Variants in EPHA3 observed in about 807,000 individuals in gnomAD.
EPHA3 encodes the protein EPH receptor A3, also known as ephrin type-A receptor 3.
Under a neutral mutation model 107.1 loss-of-function variants are expected in EPHA3, and 42 were observed. The ratio of observed to expected loss-of-function variants is 0.39; its 90% CI spans 0.31 to 0.51. The LOEUF (loss-of-function observed/expected upper bound fraction) is 0.51, where lower values mean the gene tolerates loss of function less well. Among genes scored for constraint, EPHA3 ranks in the 20% least tolerant of loss-of-function variants. The pLI is 0.78. For missense variants in EPHA3, 1,183 were observed against 1,211.2 expected (o/e 0.98, Z 0.35); for synonymous variants, 461 against 424.8 (o/e 1.09, Z -1.05).
chr3:89,345,513 A>ACC (rs908848599), intron 5 of EPHA3, among the ~76,000 whole-genome samples: 1 of 149,324 alleles, frequency 6.7e-6, no homozygotes, highest in African/African-American at 2.5e-5. Flanking sequence ...TATCCGTCCC[A>ACC]CCCCCATCTC....
chr3:89,250,558 C>G (rs1705138668), intron 3 of EPHA3, among the ~76,000 whole-genome samples: 1 of 152,036 alleles, frequency 6.6e-6, no homozygotes, highest in South Asian at 2.1e-4. Context: ...CTTGGTTATC[C>G]AGAATCCAAT....
intron 1 of EPHA3, among the ~76,000 whole-genome samples, chr3:89,122,026 G>A (rs1315192045): frequency 6.6e-6 from 1 of 152,186 alleles, no homozygotes; most frequent in Non-Finnish European, 1.5e-5. Flanking sequence ...GAACTACACA[G>A]AGAATGATAA....
At chr3:89,114,265 A>G (rs1707196568) in intron 1 of EPHA3, among the ~76,000 whole-genome samples, 3 of 152,166 alleles carry the variant, frequency 2.0e-5, no homozygotes. Context: ...AAATTTTAGC[A>G]CAAAGCAGAG....
intron 9 of EPHA3, among the ~76,000 whole-genome samples, chr3:89,411,462 C>G (rs1709153167): frequency 6.6e-6 from 1 of 151,870 alleles, no homozygotes; most frequent in African/African-American, 2.4e-5. Flanking sequence ...TATTTGCCCT[C>G]TCACCACCAT....
At chr3:89,427,201 T>C (rs907757754) in intron 11 of EPHA3, among the ~76,000 whole-genome samples, 1 of 151,836 alleles carries the variant, frequency 6.6e-6, no homozygotes, top group Admixed American at 6.6e-5. Context: ...ATAAAAGTTA[T>C]CTCAAAAACT....
intron 5 of EPHA3, among the ~76,000 whole-genome samples, chr3:89,346,655 G>A (rs1234190571): frequency 6.6e-6 from 1 of 150,998 alleles, no homozygotes. Flanking sequence ...GGCTTTTGTT[G>A]CCATTGCTTT....
intron 5 of EPHA3, among the ~76,000 whole-genome samples, chr3:89,342,851 TTACACA>T (rs1466373607): frequency 2.1e-4 from 29 of 136,942 alleles, no homozygotes; most frequent in African/African-American, 8.9e-4. Flanking sequence ...TGTCTTATTT[TTACACA>T]TACACACACA....
At chr3:89,174,497 C>T (rs187877657) in intron 2 of EPHA3, among the ~76,000 whole-genome samples, 1 of 151,904 alleles carries the variant, frequency 6.6e-6, no homozygotes, top group African/African-American at 2.4e-5. Context: ...GCAGCATGTG[C>T]ATTTACATAA....
At chr3:89,162,129 T>A (rs542687298) in intron 2 of EPHA3, among the ~76,000 whole-genome samples, 279 of 152,140 alleles carry the variant, frequency 1.8e-3, no homozygotes, top group Non-Finnish European at 3.3e-3. Flanking sequence ...GAACACATAA[T>A]TATCCTCAGA....
chr3:89,412,700 T>C (rs1469489096), intron 9 of EPHA3, among the ~76,000 whole-genome samples: 2 of 151,810 alleles, frequency 1.3e-5, no homozygotes, highest in Admixed American at 6.6e-5. Context: ...TCTCACCTTA[T>C]AATTGTATTG....
chr3:89,241,598 A>G (rs1344536642), intron 3 of EPHA3, among the ~76,000 whole-genome samples: 1 of 152,158 alleles, frequency 6.6e-6, no homozygotes, highest in African/African-American at 2.4e-5. Context: ...TTTGTATAGT[A>G]GTGTATTTAA....
At chr3:89,248,793 G>T (rs955723356) in intron 3 of EPHA3, among the ~76,000 whole-genome samples, 8 of 152,184 alleles carry the variant, frequency 5.3e-5, no homozygotes, top group African/African-American at 1.9e-4. Context: ...TGAATGTGCA[G>T]ATTTGGAAAA....
At chr3:89,233,677 G>T (rs539741263) in intron 3 of EPHA3, among the ~76,000 whole-genome samples, 3 of 152,096 alleles carry the variant, frequency 2.0e-5, no homozygotes, top group African/African-American at 4.8e-5. Flanking sequence ...CTAACCAAAG[G>T]CTGGAGTATA....
chr3:89,429,055 T>C (rs776988393), intron 11 of EPHA3, 51 bp from the exon 12 acceptor site: 1 of 1,277,804 alleles, frequency 7.8e-7, no homozygotes, highest in Admixed American at 1.7e-5. Flanking sequence ...ATGTTCATTG[T>C]ATAATACTTG....
intron 5 of EPHA3, among the ~76,000 whole-genome samples, chr3:89,343,293 C>A (rs768923823): frequency 6.6e-6 from 1 of 152,198 alleles, no homozygotes; most frequent in Non-Finnish European, 1.5e-5. Context: ...TCTACAAAAG[C>A]AAGTATGCAT....
chr3:89,406,630 A>G (rs550317805), intron 7 of EPHA3, among the ~76,000 whole-genome samples: 1 of 152,150 alleles, frequency 6.6e-6, no homozygotes. Context: ...CATTCTTTTG[A>G]CTTTTTACAA....
intron 11 of EPHA3, among the ~76,000 whole-genome samples, chr3:89,427,296 T>G (rs2107533132): frequency 6.6e-6 from 1 of 151,988 alleles, no homozygotes; most frequent in East Asian, 1.9e-4. Flanking sequence ...AGTATAACCT[T>G]CATGATGCTA....
chr3:89,297,367 G>T (rs1706378689), intron 3 of EPHA3, among the ~76,000 whole-genome samples: 1 of 152,084 alleles, frequency 6.6e-6, no homozygotes, highest in Non-Finnish European at 1.5e-5. Context: ...TATGAATTGG[G>T]TTAATTTCAA....
In EPHA3 at chr3:89,395,906, A is replaced by G; in HGVS notation, c.1376A>G (p.Glu459Gly). 1 of 1,614,110 alleles carries G rather than the reference A, an allele frequency of 6.2e-7. No individual in the cohort carries two copies. Among genetic ancestry groups the G allele is most frequent in the Non-Finnish European group, 8.5e-7 (1 of 1,179,976 alleles). Reference sequence around the variant, plus strand: ...AATAGCATCTCTTTGTCCTGGCAAGAACCTGAACATCCTAATGGGATCATA... The same window carrying G: ...AATAGCATCTCTTTGTCCTGGCAAGGACCTGAACATCCTAATGGGATCATA... ...SRNSISLSWQ[E>G]PEHPNGIILD... Residue 459 changes from glutamate (E) to glycine (G), a missense_variant, in exon 6 of 17, where the codon GAA becomes GGA. Coordinates refer to ENST00000336596, the MANE Select transcript of EPHA3 (RefSeq NM_005233.6).
Sources: gnomAD v4.1 joint callset for allele counts (sites outside exome capture counted in the v4.1 genomes callset) on GRCh38, gnomAD v4.1.1 for gene constraint, MANE v1.5 for transcripts, NCBI Gene and HGNC (gene_info 2026-07-23, HGNC 2026-07-21) for gene names.